The following VAV3 variants were observed in gnomAD, a reference collection of about 807,000 sequenced individuals.
VAV3 encodes the protein guanine nucleotide exchange factor VAV3.
In VAV3, 94 loss-of-function variants were observed where a neutral mutation model predicts 131.2. That is an observed-to-expected ratio of 0.72 (90% CI 0.61 to 0.85). The LOEUF (loss-of-function observed/expected upper bound fraction) is 0.85. Among genes scored for constraint, VAV3 ranks in the 40% least tolerant of loss-of-function variants. VAV3 has a pLI of 0.00. For synonymous variants in VAV3, 349 were observed against 342.0 expected (o/e 1.02, Z -0.22); for missense variants, 939 against 1,002.7 (o/e 0.94, Z 0.86).
chr1:107,783,423 A>C (rs2102241764), intron 2 of VAV3, among the ~76,000 whole-genome samples: 1 of 152,178 alleles, frequency 6.6e-6, no homozygotes, highest in South Asian at 2.1e-4. Flanking sequence ...AAATGGGAGG[A>C]GTGTTCAGGA....
At chr1:107,864,167 A>G (rs1669873684) in intron 2 of VAV3, among the ~76,000 whole-genome samples, 1 of 152,234 alleles carries the variant, frequency 6.6e-6, no homozygotes, top group African/African-American at 2.4e-5. Context: ...CAATGTATAC[A>G]TATTACATCT....
chr1:107,888,377 C>T (rs1320018400), intron 1 of VAV3, among the ~76,000 whole-genome samples: 1 of 152,222 alleles, frequency 6.6e-6, no homozygotes, highest in Non-Finnish European at 1.5e-5. Flanking sequence ...TCCCCTCTTC[C>T]TTTCCCCAAC....
At chr1:107,798,325 A>G (rs1032281498) in intron 2 of VAV3, among the ~76,000 whole-genome samples, 2 of 152,120 alleles carry the variant, frequency 1.3e-5, no homozygotes, top group African/African-American at 4.8e-5. Context: ...GTGTTCTCAC[A>G]CCTGACCACT....
chr1:107,585,807 A>G (rs1650438152), intron 25 of VAV3, among the ~76,000 whole-genome samples: 1 of 151,950 alleles, frequency 6.6e-6, no homozygotes, highest in Admixed American at 6.6e-5. Flanking sequence ...CCATTGTCCT[A>G]CTGCTGAGGT....
chr1:107,771,059 A>G (rs912519109), intron 5 of VAV3, among the ~76,000 whole-genome samples: 1 of 152,234 alleles, frequency 6.6e-6, no homozygotes, highest in South Asian at 2.1e-4. Context: ...CAAATACTAT[A>G]GAAATAACTG....
At chr1:107,684,517 G>GT (rs1463797203) in intron 18 of VAV3, among the ~76,000 whole-genome samples, 1 of 152,140 alleles carries the variant, frequency 6.6e-6, no homozygotes, top group East Asian at 1.9e-4. Context: ...ATGAAATGAG[G>GT]TTTTTTTCCA....
intron 2 of VAV3, among the ~76,000 whole-genome samples, chr1:107,791,042 G>A (rs1189810100): frequency 6.6e-6 from 1 of 152,104 alleles, no homozygotes; most frequent in Non-Finnish European, 1.5e-5. Context: ...AACAGGGAAA[G>A]ATGCTGAGTT....
At chr1:107,801,694 T>A (rs1014889018) in intron 2 of VAV3, among the ~76,000 whole-genome samples, 5 of 152,154 alleles carry the variant, frequency 3.3e-5, no homozygotes, top group Non-Finnish European at 4.4e-5. Context: ...GTATATCACT[T>A]TACTTCTCTT....
intron 6 of VAV3, among the ~76,000 whole-genome samples, chr1:107,769,612 G>T (rs1422803056): frequency 1.3e-5 from 2 of 152,204 alleles, no homozygotes. Context: ...TGTCAATTCA[G>T]TCTTTCCCCT....
At chr1:107,594,473 A>C (rs1651213227) in intron 25 of VAV3, among the ~76,000 whole-genome samples, 1 of 152,094 alleles carries the variant, frequency 6.6e-6, no homozygotes, top group African/African-American at 2.4e-5. Flanking sequence ...GGCTTGATTC[A>C]AGTTGTCAGA....
chr1:107,793,262 C>G (rs1666382407), intron 2 of VAV3, among the ~76,000 whole-genome samples: 1 of 152,054 alleles, frequency 6.6e-6, no homozygotes, highest in Non-Finnish European at 1.5e-5. Flanking sequence ...GGTGATCTGC[C>G]CCAGAGTGTG....
chr1:107,619,988 C>T (rs1653445995), intron 20 of VAV3, among the ~76,000 whole-genome samples: 1 of 152,138 alleles, frequency 6.6e-6, no homozygotes, highest in Admixed American at 6.5e-5. Flanking sequence ...GGAGCAGATC[C>T]CAGATTGAAT....
At chr1:107,694,291 G>C (rs542921099) in intron 17 of VAV3, among the ~76,000 whole-genome samples, 1 of 152,222 alleles carries the variant, frequency 6.6e-6, no homozygotes, top group African/African-American at 2.4e-5. Context: ...GGAACTGTTC[G>C]GAGAAAAGGG....
intron 19 of VAV3, chr1:107,672,371 T>G (rs1401214382): frequency 6.6e-6 from 1 of 151,500 alleles, no homozygotes; most frequent in East Asian, 1.9e-4. Context: ...AGTCACAGAA[T>G]TAAAATCTAT....
intron 1 of VAV3, among the ~76,000 whole-genome samples, chr1:107,938,130 T>C (rs181643606): frequency 6.6e-6 from 1 of 152,252 alleles, no homozygotes; most frequent in Non-Finnish European, 1.5e-5. Context: ...GCTATAGGTA[T>C]TCTTGACCCT....
chr1:107,576,319 T>A (rs1428751789), intron 25 of VAV3: 2 of 1,295,862 alleles, frequency 1.5e-6, no homozygotes, highest in Non-Finnish European at 2.1e-6. Flanking sequence ...TGAGAAGCCA[T>A]ACATGGAACT....
intron 1 of VAV3, among the ~76,000 whole-genome samples, chr1:107,933,132 T>G (rs1344628192): frequency 6.6e-6 from 1 of 152,220 alleles, no homozygotes; most frequent in Non-Finnish European, 1.5e-5. Flanking sequence ...CCTCTTACTA[T>G]TCCGAGGCCT....
At chr1:107,739,787 GT>G (rs1662898258) in intron 15 of VAV3, among the ~76,000 whole-genome samples, 1 of 152,162 alleles carries the variant, frequency 6.6e-6, no homozygotes, top group Non-Finnish European at 1.5e-5. Flanking sequence ...GCCAAAGCAG[GT>G]GACAAAATGT....
chr1:107,752,443 G>A (rs974542463), intron 12 of VAV3, among the ~76,000 whole-genome samples: 5 of 152,282 alleles, frequency 3.3e-5, no homozygotes, highest in Non-Finnish European at 5.9e-5. Context: ...TTATTTCTTC[G>A]AGATTGATAA....
Sources: allele counts gnomAD v4.1 joint callset (sites outside exome capture counted in the v4.1 genomes callset), GRCh38; gene constraint gnomAD v4.1.1; transcripts MANE v1.5; gene names NCBI Gene and HGNC (gene_info 2026-07-23, HGNC 2026-07-21).